The following TTLL8 variants were observed in gnomAD, a reference collection of about 807,000 sequenced individuals.
TTLL8 encodes tubulin tyrosine ligase like 8, also known as protein monoglycylase TTLL8.
Under a neutral mutation model 77.8 loss-of-function variants are expected in TTLL8, and 65 were observed. The ratio of observed to expected loss-of-function variants is 0.84; its 90% CI spans 0.68 to 1.03. TTLL8 has a LOEUF of 1.03. TTLL8 is among the 50% of genes least tolerant of loss of function. The pLI is 0.00. For synonymous variants in TTLL8, 402 were observed against 422.8 expected, an observed-to-expected ratio of 0.95 and a Z score of 0.60; for missense variants, 910 against 1,004.5, an observed-to-expected ratio of 0.91 and a Z score of 1.27.
chr22:50,022,257 C>T (rs1023606235), intron 12 of TTLL8, among the ~76,000 whole-genome samples: 3 of 151,114 alleles, frequency 2.0e-5, no homozygotes, highest in Non-Finnish European at 4.4e-5. Flanking sequence ...TGTACTCCTC[C>T]GTCTGATGTG....
At chr22:50,056,702 G>A (rs962494254), upstream of TTLL8, 63 of 968,282 alleles carry the variant, frequency 6.5e-5, no homozygotes, top group Non-Finnish European at 7.2e-5. This position sits in a 1 kb window ranked among gnomAD's most constrained non-coding sequence, Gnocchi z 4.1. Flanking sequence ...ACACCCCTGG[G>A]GTCCTCCGCC....
intron 1 of TTLL8, among the ~76,000 whole-genome samples, chr22:50,052,894 A>T (rs1487161954): frequency 6.6e-6 from 1 of 152,198 alleles, no homozygotes; most frequent in African/African-American, 2.4e-5. Context: ...GATTTGAACA[A>T]CTCAAATAAC....
intron 8 of TTLL8, among the ~76,000 whole-genome samples, chr22:50,038,484 A>C (rs2061350406): frequency 6.6e-6 from 1 of 152,170 alleles, no homozygotes; most frequent in East Asian, 1.9e-4. Flanking sequence ...AACCACTACG[A>C]AATATGTTAG....
At chr22:50,045,386 T>C (rs1367944549) in exon 6 of TTLL8, 2 of 1,365,520 alleles carry the variant, frequency 1.5e-6, no homozygotes, top group Admixed American at 1.9e-5. Flanking sequence ...GCGCCGGAAG[T>C]CTTCTGAAAG....
exon 11 of TTLL8, chr22:50,032,040 C>A (rs1188974826): frequency 2.9e-6 from 4 of 1,366,314 alleles, no homozygotes; most frequent in Non-Finnish European, 3.9e-6. Context: ...TGTGTGCGGG[C>A]AGCAGGGGGC....
At chr22:50,055,422 G>A (rs542400651), upstream of TTLL8, 12 of 925,522 alleles carry the variant, frequency 1.3e-5, no homozygotes, top group South Asian at 1.4e-4. Flanking sequence ...GGGAGGCCGA[G>A]GTGGTTGGAT....
intron 8 of TTLL8, among the ~76,000 whole-genome samples, chr22:50,039,755 G>C (rs2061357364): frequency 6.6e-6 from 1 of 151,198 alleles, no homozygotes; most frequent in Admixed American, 6.6e-5. Flanking sequence ...AGTGTGGACG[G>C]ACCTCATGGA....
intron 12 of TTLL8, among the ~76,000 whole-genome samples, chr22:50,025,582 G>A (rs1038827920): frequency 9.9e-5 from 15 of 152,200 alleles, no homozygotes; most frequent in African/African-American, 2.4e-4. Flanking sequence ...TTAGGTTGCC[G>A]TGAGCCGAGA....
intron 10 of TTLL8, among the ~76,000 whole-genome samples, chr22:50,032,559 G>A (rs745691018): frequency 1.2e-4 from 18 of 152,124 alleles, no homozygotes; most frequent in Admixed American, 1.3e-4. Flanking sequence ...CGCCTGGGCC[G>A]GAGTTAACTC....
intron 6 of TTLL8, among the ~76,000 whole-genome samples, chr22:50,043,108 T>C (rs1386371136): frequency 6.7e-6 from 1 of 149,384 alleles, no homozygotes; most frequent in Non-Finnish European, 1.5e-5. Context: ...GGTAGATGGA[T>C]AGACAGATAA....
intron 12 of TTLL8, chr22:50,027,736 C>CGGTT: frequency 1.0e-6 from 1 of 985,404 alleles, no homozygotes; most frequent in Non-Finnish European, 1.2e-6. Context: ...AGCAACGGTG[C>CGGTT]GGTTGCCTGA....
intron 12 of TTLL8, 196 bp downstream of exon 13, chr22:50,030,234 C>T (rs919839825): frequency 1.0e-6 from 1 of 985,288 alleles, no homozygotes; most frequent in African/African-American, 1.7e-5. Flanking sequence ...CCCCGAGACC[C>T]CCGTGCCGGG....
chr22:50,055,668 A>T (rs2061467083), upstream of TTLL8, among the ~76,000 whole-genome samples: 1 of 152,098 alleles, frequency 6.6e-6, no homozygotes, highest in Non-Finnish European at 1.5e-5. Flanking sequence ...AAAAAAAAAA[A>T]AAAAAGACAT....
intron 1 of TTLL8, among the ~76,000 whole-genome samples, chr22:50,052,732 T>C (rs1179863822): frequency 6.6e-6 from 1 of 152,216 alleles, no homozygotes; most frequent in Admixed American, 6.5e-5. Flanking sequence ...GAAAGATACA[T>C]GTGTATGCAC....
At chr22:50,025,589 G>A (rs2061226218) in intron 12 of TTLL8, among the ~76,000 whole-genome samples, 3 of 152,156 alleles carry the variant, frequency 2.0e-5, no homozygotes. Flanking sequence ...GCCGTGAGCC[G>A]AGATCGTGCG....
chr22:50,046,838 G>A (rs375420518), intron 4 of TTLL8, among the ~76,000 whole-genome samples: 1 of 152,190 alleles, frequency 6.6e-6, no homozygotes, highest in African/African-American at 2.4e-5. Flanking sequence ...TGGGGGGAGC[G>A]GCACCTCTTC....
chr22:50,053,774 G>A (rs1601940624), intron 1 of TTLL8, among the ~76,000 whole-genome samples: 1 of 152,174 alleles, frequency 6.6e-6, no homozygotes, highest in African/African-American at 2.4e-5. Flanking sequence ...TGATGAAATG[G>A]TCTTTATGAA....
chr22:50,046,445 G>A (rs1326870596), intron 4 of TTLL8, among the ~76,000 whole-genome samples: 3 of 152,222 alleles, frequency 2.0e-5, no homozygotes, highest in Non-Finnish European at 2.9e-5. Context: ...CCCGCACCCC[G>A]ATGTCTGGTT....
At chr22:50,043,771 G>A (rs977016488) in intron 6 of TTLL8, among the ~76,000 whole-genome samples, 36 of 152,252 alleles carry the variant, frequency 2.4e-4, no homozygotes, top group African/African-American at 7.7e-4. Flanking sequence ...ATCTGAAAAC[G>A]CTCCATGCTA....
Sources: allele counts gnomAD v4.1 joint callset (sites outside exome capture counted in the v4.1 genomes callset), GRCh38; gene constraint gnomAD v4.1.1; non-coding constraint Gnocchi (gnomAD v3.1); transcripts MANE v1.5; gene names NCBI Gene and HGNC (gene_info 2026-07-23, HGNC 2026-07-21).